ZC3H12D: variants seen among roughly 807,000 people sequenced by gnomAD.
ZC3H12D encodes the protein probable ribonuclease ZC3H12D.
A neutral mutation model predicts 24.2 loss-of-function variants in ZC3H12D; 11 were observed. The ratio of observed to expected loss-of-function variants is 0.46; its 90% CI spans 0.29 to 0.75. The LOEUF (loss-of-function observed/expected upper bound fraction) is 0.75. ZC3H12D is among the 30% of genes least tolerant of loss of function. The pLI is 0.11. For missense variants in ZC3H12D, 740 were observed against 767.7 expected (o/e 0.96, Z 0.43); for synonymous variants, 333 against 341.8 (o/e 0.97, Z 0.28).
chr6:149,456,963 C>T lies in ZC3H12D; in HGVS notation c.446-63G>A. On this transcript the variant is annotated intron_variant, in intron 3 of 5. Transcript: ENST00000409806. This position sits in a 1 kb window ranked among gnomAD's most constrained non-coding sequence, Gnocchi z 4.3. ...AGGGCACCGCCCCTGAGAACCACCC[C>T]CAACGCGAGGCCACCCGCTTCCCGG... 6.6e-7 allele frequency: 1 copy of T among 1,504,744 alleles called. No individual in the cohort carries two copies. Among genetic ancestry groups the T allele is most frequent in the Non-Finnish European group, 9.0e-7 (1 of 1,110,456 alleles). 93.2% of individuals were successfully genotyped at this position (1,504,744 alleles called of 1,614,324 possible).
chr6:149,473,165 G>A (rs1191605486), intron 2 of ZC3H12D, among the ~76,000 whole-genome samples: 4 of 147,564 alleles, frequency 2.7e-5, no homozygotes, highest in Non-Finnish European at 4.5e-5. Flanking sequence ...AGTACACACC[G>A]CAAAAAGTGC....
At chr6:149,465,478 G>A (rs1252409006) in intron 2 of ZC3H12D, among the ~76,000 whole-genome samples, 1 of 152,088 alleles carries the variant, frequency 6.6e-6, no homozygotes, top group Admixed American at 6.5e-5. Context: ...AGGAAGGCCG[G>A]GTGTGGTGGC....
intron 2 of ZC3H12D, among the ~76,000 whole-genome samples, chr6:149,462,876 G>T (rs1460525246): frequency 6.6e-6 from 1 of 152,248 alleles, no homozygotes; most frequent in Non-Finnish European, 1.5e-5. Flanking sequence ...GCCACAGACT[G>T]AAGGCTGCAC....
chr6:149,454,261 G>A (rs1212970854), intron 4 of ZC3H12D, among the ~76,000 whole-genome samples: 4 of 152,198 alleles, frequency 2.6e-5, no homozygotes, highest in Non-Finnish European at 2.9e-5. Context: ...AACGCCCCTC[G>A]CTGAGTGAGG....
chr6:149,463,663 C>T (rs948138802), intron 2 of ZC3H12D, among the ~76,000 whole-genome samples: 18 of 152,204 alleles, frequency 1.2e-4, no homozygotes, highest in African/African-American at 4.1e-4. Flanking sequence ...GAGCCGAGAT[C>T]GCGCCACTGC....
intron 3 of ZC3H12D, among the ~76,000 whole-genome samples, chr6:149,460,292 A>G (rs1776051464): frequency 6.6e-6 from 1 of 152,260 alleles, no homozygotes; most frequent in Non-Finnish European, 1.5e-5. Flanking sequence ...GCCAGTAAGC[A>G]TAATGAAAAT....
Position 149,452,402 on chromosome 6 carries a change from T to C in ZC3H12D, c.787+214A>G, listed in dbSNP as rs1024484829. ...ATGACCCCTGCATCCGACCCTGGCA[T>C]GGGATCCTGGCTCCCATGAAATCAC... On this transcript the variant is annotated intron_variant, in intron 5 of 5. Coordinates refer to ENST00000409806, the MANE Select transcript of ZC3H12D (RefSeq NM_207360.3). The surrounding 1 kb of genome is among the most constrained non-coding windows in gnomAD (Gnocchi z 4.0). 8 of 482,182 alleles carry C rather than the reference T, an allele frequency of 1.7e-5. No homozygotes were observed. Among genetic ancestry groups the C allele is most frequent in the East Asian group, 1.0e-4 (3 of 29,092 alleles). The allele number at this position is 482,182 out of a possible 1,614,324, so 29.9% of individuals were successfully genotyped here.
In ZC3H12D at chr6:149,451,446, A is replaced by C; in HGVS notation, c.821T>G (p.Phe274Cys). ...KKCTYGIKCK[F>C]YHPERPHHAQ... ...GTGGTGCGGCCTCTCCGGGTGGTAG[A>C]ACTTGCACTTGATGCCATAGGTGCA... is the stretch of plus-strand genomic sequence containing the variant. Residue 274 changes from phenylalanine to cysteine, a missense_variant, in exon 6 of 6, where the codon TTC becomes TGC. By Grantham distance (205) the Phe-to-Cys change is radical. Coordinates refer to ENST00000409806, the MANE Select transcript of ZC3H12D (RefSeq NM_207360.3). 6.3e-7 allele frequency: 1 copy of C among 1,575,288 alleles called. No homozygotes were observed. Among genetic ancestry groups the C allele is most frequent in the Non-Finnish European group, 8.5e-7 (1 of 1,170,390 alleles).
intron 2 of ZC3H12D, among the ~76,000 whole-genome samples, chr6:149,468,763 G>T (rs555228338): frequency 6.6e-6 from 1 of 152,110 alleles, no homozygotes; most frequent in African/African-American, 2.4e-5. Flanking sequence ...AACAGAGTCA[G>T]GGTCTCAGAA....
rs1201706409 is a variant in ZC3H12D, at chr6:149,456,006, C to T, written c.680+660G>A. ...CGGTGGCTCAAGCCTGTAATCCCAGCACTTTGGGAAGCCGAGGTGGACAGA... is the reference window on the plus strand; with the variant it reads ...CGGTGGCTCAAGCCTGTAATCCCAGTACTTTGGGAAGCCGAGGTGGACAGA... On this transcript the variant is annotated intron_variant, in intron 4 of 5. Coordinates refer to ENST00000409806, the MANE Select transcript of ZC3H12D (RefSeq NM_207360.3). The surrounding 1 kb of genome is among the most constrained non-coding windows in gnomAD (Gnocchi z 4.3). Among the ~76,000 whole-genome samples the T allele has an allele frequency of 6.6e-6, 1 of 151,232 alleles. No individual in the cohort carries two copies. Among genetic ancestry groups the T allele is most frequent in the African/African-American group, 2.4e-5 (1 of 41,064 alleles).
Position 149,456,584 on chromosome 6 carries a change from TG to T in ZC3H12D, c.680+81del, listed in dbSNP as rs1775983045. 2 of 1,233,896 alleles carry T rather than the reference TG, an allele frequency of 1.6e-6. No homozygotes were observed. Among genetic ancestry groups the T allele is most frequent in the Non-Finnish European group, 1.1e-6 (1 of 880,354 alleles). 76.4% of individuals were successfully genotyped at this position (1,233,896 alleles called of 1,614,324 possible). A position where few individuals can be genotyped will look rare whatever the true frequency, so the allele number is the denominator to read the frequency against. ...CCGGGTGACCCCAAGCTCCTCCACC[TG>T]GTAGCAGGCGTGGCCACTGCCTCGA... On this transcript the variant is annotated intron_variant, in intron 4 of 5. Transcript: ENST00000409806. This position sits in a 1 kb window ranked among gnomAD's most constrained non-coding sequence, Gnocchi z 4.3.
Position 149,484,510 on chromosome 6 carries a change from C to T in ZC3H12D, c.-71+303G>A, listed in dbSNP as rs1274195351. On this transcript the variant is annotated intron_variant, in intron 1 of 5. Transcript: ENST00000409806. ...AGGAGGTTTTACTGAAACTGAAGAG[C>T]TCCCTCTGGTTAATCTTTCCCCCAA... Among the ~76,000 whole-genome samples the T allele has an allele frequency of 4.6e-5, 7 of 152,214 alleles. No homozygotes were observed. In the South Asian group the frequency reaches 1.2e-3, roughly 27 times the overall value.
rs1775994902 is a variant in ZC3H12D at position 149,456,961 on chromosome 6, C to T, written c.446-61G>A. ...CAAGGGCACCGCCCCTGAGAACCACCCCCAACGCGAGGCCACCCGCTTCCC... is the reference window on the plus strand; with the variant it reads ...CAAGGGCACCGCCCCTGAGAACCACTCCCAACGCGAGGCCACCCGCTTCCC... On this transcript the variant is annotated intron_variant, in intron 3 of 5. Transcript: ENST00000409806. The surrounding 1 kb of genome is among the most constrained non-coding windows in gnomAD (Gnocchi z 4.3). 2 of 1,516,562 alleles carry T rather than the reference C, an allele frequency of 1.3e-6. No homozygotes were observed. The highest frequency in any genetic ancestry group is 4.6e-5 in the East Asian group (2 of 43,710). The allele number at this position is 1,516,562 out of a possible 1,614,324, so 93.9% of individuals were successfully genotyped here.
At chr6:149,468,700 C>A (rs896247757) in intron 2 of ZC3H12D, among the ~76,000 whole-genome samples, 20 of 152,168 alleles carry the variant, frequency 1.3e-4, no homozygotes, top group African/African-American at 4.6e-4. Context: ...GGAGCTTTCG[C>A]CTTACAAGAA....
Position 149,452,686 on chromosome 6 carries a change from T to A in ZC3H12D, c.717A>T (p.Gly239=). Residue 239 remains glycine (G), a synonymous_variant, in exon 5 of 6, where the codon GGA becomes GGT. Transcript: ENST00000409806. This position sits in a 1 kb window ranked among gnomAD's most constrained non-coding sequence, Gnocchi z 4.0. The part of the protein sequence containing the change: ...MPPDDPLGRH[G]PSLSNFLSRK... Reference sequence around the variant, plus strand: ...TGCTCAGGAAGTTGCTCAGGGAGGGTCCATGGCGGCCCAGGGGGTCATCAG... The same window carrying A: ...TGCTCAGGAAGTTGCTCAGGGAGGGACCATGGCGGCCCAGGGGGTCATCAG... The A allele has an allele frequency of 1.2e-6, 2 of 1,608,176 alleles. No homozygotes were observed. Among genetic ancestry groups the A allele is most frequent in the Non-Finnish European group, 1.7e-6 (2 of 1,177,988 alleles).
rs1044436245 is a variant in ZC3H12D, at chr6:149,446,969, G to A, written c.*3714C>T. ...ATGGCAACAGCCTCTGGTTTGATCA[G>A]TCGAGGAGAGCTCTGCTGCATGTTT... On this transcript the variant is annotated 3_prime_UTR_variant, in exon 6 of 6. Coordinates refer to ENST00000409806, the MANE Select transcript of ZC3H12D (RefSeq NM_207360.3). 9 of 152,276 alleles carry A rather than the reference G, an allele frequency of 5.9e-5. No homozygotes were observed. Among genetic ancestry groups the A allele is most frequent in the African/African-American group, 2.2e-4 (9 of 41,460 alleles). The allele number at this position is 152,276 out of a possible 1,614,324, so 9.4% of individuals were successfully genotyped here.
chr6:149,454,718 G>A (rs893544658), intron 4 of ZC3H12D, among the ~76,000 whole-genome samples: 34 of 152,234 alleles, frequency 2.2e-4, no homozygotes, highest in African/African-American at 7.0e-4. Flanking sequence ...CTTGGCTCCC[G>A]CCCCAGGCTG....
chr6:149,452,547 G>T lies in ZC3H12D; in HGVS notation c.787+69C>A. On this transcript the variant is annotated intron_variant, in intron 5 of 5. Transcript: ENST00000409806. This position sits in a 1 kb window ranked among gnomAD's most constrained non-coding sequence, Gnocchi z 4.0. ...GCTGAGCACCAGGCCAGCGCTTTTT[G>T]ACTGTGCTCCTGTACTGCCCCCACA... 9.2e-6 allele frequency: 12 copies of T among 1,302,614 alleles called. No individual in the cohort carries two copies. The South Asian group carries it at 2.0e-4, about 22-fold the overall frequency. 80.7% of individuals were successfully genotyped at this position (1,302,614 alleles called of 1,614,324 possible).
In ZC3H12D at chr6:149,461,858, G is replaced by T; in HGVS notation, c.418C>A (p.Pro140Thr). The change falls in exon 3 of 6, where the codon CCA becomes ACA. Residue 140 changes from proline (P) to threonine (T), a missense_variant. Physicochemically the swap from Pro to Thr is conservative, Grantham distance 38 (BLOSUM62 -1). Coordinates refer to ENST00000409806, the MANE Select transcript of ZC3H12D (RefSeq NM_207360.3). ...KVFVPSWRKD[P>T]PRADTPIREQ... The stretch of plus-strand genomic sequence containing the variant: ...CTGATAGGGGTGTCAGCTCTTGGTG[G>T]GTCCTTCCTCCAGGATGGAACAAAA... The T allele has an allele frequency of 6.4e-7, 1 of 1,571,576 alleles. No individual in the cohort carries two copies. Among genetic ancestry groups the T allele is most frequent in the Non-Finnish European group, 8.6e-7 (1 of 1,158,046 alleles).
Sources: gnomAD v4.1 joint callset for allele counts (sites outside exome capture counted in the v4.1 genomes callset) on GRCh38, gnomAD v4.1.1 for gene constraint, Gnocchi (gnomAD v3.1) non-coding constraint, MANE v1.5 for transcripts, NCBI Gene and HGNC (gene_info 2026-07-23, HGNC 2026-07-21) for gene names.